ASTN1: variants seen among roughly 807,000 people sequenced by gnomAD.
ASTN1 encodes the protein astrotactin-1.
In ASTN1, 41 loss-of-function variants were observed where a neutral mutation model predicts 140.7. That is an observed-to-expected ratio of 0.29 (90% confidence interval 0.23 to 0.38). The LOEUF is 0.38. Ranked by LOEUF, ASTN1 falls within the 10% of genes least tolerant of loss-of-function variation. The pLI, the probability that ASTN1 is intolerant of heterozygous loss-of-function variation, is 1.00. For missense variants in ASTN1, 1,479 were observed against 1,678.8 expected (o/e 0.88, Z 2.08); for synonymous variants, 640 against 652.2 (o/e 0.98, Z 0.29).
At chr1:177,073,759 G>C (rs911124483) in intron 1 of ASTN1, among the ~76,000 whole-genome samples, 1 of 151,120 alleles carries the variant, frequency 6.6e-6, no homozygotes, top group Non-Finnish European at 1.5e-5. Flanking sequence ...CTGAGGCAAG[G>C]CTCTTGCACA....
chr1:177,160,744 T>A (rs2102266641), intron 1 of ASTN1, among the ~76,000 whole-genome samples: 1 of 152,344 alleles, frequency 6.6e-6, no homozygotes, highest in Middle Eastern at 3.4e-3. Flanking sequence ...TTGGCAAATC[T>A]CTTAAATCTC....
chr1:176,901,866 T>C (rs921704203), intron 16 of ASTN1, among the ~76,000 whole-genome samples: 2 of 152,232 alleles, frequency 1.3e-5, no homozygotes, highest in Non-Finnish European at 2.9e-5. Context: ...TTCTTGTCCC[T>C]TCTCACAAAT....
At chr1:176,983,509 G>C (rs1673730144) in intron 8 of ASTN1, among the ~76,000 whole-genome samples, 1 of 152,022 alleles carries the variant, frequency 6.6e-6, no homozygotes, top group African/African-American at 2.4e-5. Context: ...CTTTTCCCTG[G>C]TATATTTGTA....
chr1:176,895,788 T>C (rs982895231), intron 16 of ASTN1, among the ~76,000 whole-genome samples: 1 of 152,210 alleles, frequency 6.6e-6, no homozygotes, highest in African/African-American at 2.4e-5. Flanking sequence ...CCATTTAACT[T>C]ATTAATTCTA....
At chr1:176,994,591 C>T (rs1273942493) in intron 8 of ASTN1, among the ~76,000 whole-genome samples, 1 of 152,138 alleles carries the variant, frequency 6.6e-6, no homozygotes, top group Non-Finnish European at 1.5e-5. Context: ...GATTCGCCTG[C>T]CTTGGCCTCC....
intron 2 of ASTN1, among the ~76,000 whole-genome samples, chr1:177,043,553 T>C (rs114504901): frequency 6.6e-6 from 1 of 152,378 alleles, no homozygotes; most frequent in African/African-American, 2.4e-5. Context: ...AACTGGTAAC[T>C]GATTTGACCC....
chr1:177,091,364 T>C (rs566996551), intron 1 of ASTN1, among the ~76,000 whole-genome samples: 3 of 152,326 alleles, frequency 2.0e-5, no homozygotes, highest in Admixed American at 2.0e-4. Context: ...TAGTGGTTTT[T>C]CTTGAATGCA....
At position 176,861,966 on chromosome 1, in the gene ASTN1, A is replaced by T. The variant is rs75382178; in HGVS notation, c.*2318T>A. ...TGGCCTGTCAACTCCCACATCATCCACTTCTGGGCAGGAAGGCATCGGCAG... is the reference window on the plus strand; with the variant it reads ...TGGCCTGTCAACTCCCACATCATCCTCTTCTGGGCAGGAAGGCATCGGCAG... On this transcript the variant is annotated 3_prime_UTR_variant, in exon 23 of 23. Transcript: ENST00000361833. 1 of 985,428 alleles carries T rather than the reference A, an allele frequency of 1.0e-6. No individual in the cohort carries two copies. 61.0% of individuals were successfully genotyped at this position (985,428 alleles called of 1,614,324 possible). A position where few individuals can be genotyped will look rare whatever the true frequency, so the allele number is the denominator to read the frequency against.
At chr1:176,995,958 G>A (rs151202230) in intron 8 of ASTN1, among the ~76,000 whole-genome samples, 1 of 152,194 alleles carries the variant, frequency 6.6e-6, no homozygotes, top group East Asian at 1.9e-4. Context: ...CCCTGGCAAG[G>A]GCCCCTGAGA....
intron 13 of ASTN1, among the ~76,000 whole-genome samples, chr1:176,944,640 C>T (rs908309593): frequency 1.3e-5 from 2 of 152,070 alleles, no homozygotes; most frequent in African/African-American, 4.8e-5. Flanking sequence ...CGGAGTAAGA[C>T]GTAATGGGTA....
chr1:176,920,530 G>A (rs1295661359), intron 16 of ASTN1, among the ~76,000 whole-genome samples: 1 of 152,162 alleles, frequency 6.6e-6, no homozygotes, highest in Non-Finnish European at 1.5e-5. Flanking sequence ...TCCCTCTGAG[G>A]GCAGCTGCCT....
intron 8 of ASTN1, among the ~76,000 whole-genome samples, chr1:176,993,928 T>C (rs1270114740): frequency 6.6e-6 from 1 of 152,188 alleles, no homozygotes; most frequent in Non-Finnish European, 1.5e-5. Flanking sequence ...ATGTGAATTT[T>C]TCATTATAGT....
At chr1:176,909,144 G>C (rs1670121171) in intron 16 of ASTN1, among the ~76,000 whole-genome samples, 1 of 152,214 alleles carries the variant, frequency 6.6e-6, no homozygotes, top group Non-Finnish European at 1.5e-5. Flanking sequence ...GGGTGCCTGT[G>C]CTGGCAGGAG....
intron 16 of ASTN1, among the ~76,000 whole-genome samples, chr1:176,922,556 CAAAAAAA>C (rs71129589): frequency 2.4e-4 from 19 of 77,586 alleles, no homozygotes; most frequent in Admixed American, 1.3e-3. Flanking sequence ...GCCCCCACTG[CAAAAAAA>C]AAAAAAAAAA....
intron 8 of ASTN1, among the ~76,000 whole-genome samples, chr1:176,971,647 C>G (rs1028507296): frequency 6.6e-6 from 1 of 152,148 alleles, no homozygotes; most frequent in Non-Finnish European, 1.5e-5. Context: ...GTTATATTCT[C>G]TCATGGCACC....
intron 8 of ASTN1, among the ~76,000 whole-genome samples, chr1:176,984,742 G>A (rs1208232423): frequency 6.6e-6 from 1 of 152,082 alleles, no homozygotes; most frequent in African/African-American, 2.4e-5. Flanking sequence ...CTGCCTTTCT[G>A]CGACAAAACA....
intron 8 of ASTN1, among the ~76,000 whole-genome samples, chr1:177,005,286 C>T (rs370791539): frequency 1.3e-5 from 2 of 152,088 alleles, no homozygotes; most frequent in East Asian, 3.8e-4. Flanking sequence ...TACCATTTTA[C>T]CCCAACAAGA....
chr1:176,999,061 C>A (rs1674593949), intron 8 of ASTN1, among the ~76,000 whole-genome samples: 4 of 152,176 alleles, frequency 2.6e-5, no homozygotes, highest in Admixed American at 2.0e-4. Context: ...ATTGTCTTCA[C>A]CTTCACTTAT....
At position 177,101,956 on chromosome 1, in the gene ASTN1, T is replaced by C. The variant is rs533334923; in HGVS notation, c.284-40691A>G. 2.2e-4 allele frequency among the ~76,000 whole-genome samples: 34 copies of C among 152,312 alleles called. 1 individual carries two copies. The highest frequency in any genetic ancestry group is 1.7e-3 in the Admixed American group (26 of 15,294). The stretch of plus-strand genomic sequence containing the variant: ...CACTTCTTTGTGCCCCAAGGCAAGA[T>C]TGGGTCTCAGTTTTCATACACTAAA... On this transcript the variant is annotated intron_variant, in intron 1 of 22. Transcript: ENST00000361833.
Sources: allele counts gnomAD v4.1 joint callset (sites outside exome capture counted in the v4.1 genomes callset), GRCh38; gene constraint gnomAD v4.1.1; transcripts MANE v1.5; gene names NCBI Gene and HGNC (gene_info 2026-07-23, HGNC 2026-07-21).